The following TRAF3IP1 variants were observed in gnomAD, a reference collection of about 807,000 sequenced individuals.
TRAF3IP1 encodes the protein TRAF3-interacting protein 1.
A neutral mutation model predicts 89.9 loss-of-function variants in TRAF3IP1; 53 were observed. The observed-to-expected ratio is 0.59, with a 90% CI of 0.47 to 0.74. TRAF3IP1 has a LOEUF of 0.74. Among genes scored for constraint, TRAF3IP1 ranks in the 30% least tolerant of loss-of-function variants. The pLI is 0.00. For missense variants in TRAF3IP1, 806 were observed against 866.1 expected (o/e 0.93, Z 0.87); for synonymous variants, 311 against 322.1 (o/e 0.97, Z 0.37).
At chr2:238,388,175 G>C (rs547638301) in intron 15 of TRAF3IP1, among the ~76,000 whole-genome samples, 295 of 152,188 alleles carry the variant, frequency 1.9e-3, no homozygotes, top group Non-Finnish European at 3.4e-3. Context: ...AGGAGTTCAA[G>C]ACTAGCCTGG....
chr2:238,353,012 G>A, intron 13 of TRAF3IP1, 62 bp downstream of exon 13: 1 of 1,552,316 alleles, frequency 6.4e-7, no homozygotes, highest in East Asian at 2.3e-5. Context: ...GAGATTAATA[G>A]TCTAGCTTTT....
At position 238,320,566 on chromosome 2, in the gene TRAF3IP1, G is replaced by T; in HGVS notation, c.-97G>T. ...CGGCGCGTCCTGGCAGGACCGGGCGGCGGCGGCGGCGGGGCCGGCGGCGGC... is the reference window on the plus strand; with the variant it reads ...CGGCGCGTCCTGGCAGGACCGGGCGTCGGCGGCGGCGGGGCCGGCGGCGGC... On this transcript the variant is annotated 5_prime_UTR_variant, in exon 1 of 17. Coordinates refer to ENST00000373327, the MANE Select transcript of TRAF3IP1 (RefSeq NM_015650.4). 1 of 1,042,392 alleles carries T rather than the reference G, an allele frequency of 9.6e-7. No individual in the cohort carries two copies. The highest frequency in any genetic ancestry group is 1.2e-6 in the Non-Finnish European group (1 of 866,900). The allele number at this position is 1,042,392 out of a possible 1,614,324, so 64.6% of individuals were successfully genotyped here. A position where few individuals can be genotyped will look rare whatever the true frequency, so the allele number is the denominator to read the frequency against.
chr2:238,395,009 A>C (rs1378222431), intron 15 of TRAF3IP1, among the ~76,000 whole-genome samples: 1 of 151,952 alleles, frequency 6.6e-6, no homozygotes, highest in Non-Finnish European at 1.5e-5. Flanking sequence ...TAAGTGGGTG[A>C]GGCAAGGAAG....
intron 12 of TRAF3IP1, 137 bp from the exon 13 acceptor site, chr2:238,352,690 C>T (rs1220489966): frequency 7.1e-6 from 6 of 842,330 alleles, no homozygotes; most frequent in South Asian, 1.9e-5. Flanking sequence ...TTAGCTTCAG[C>T]GGGTAGCTTG....
rs1238478733 is a variant in TRAF3IP1, at chr2:238,328,762, C to T, written c.431C>T (p.Ser144Leu). 1 of 1,613,946 alleles carries T rather than the reference C, an allele frequency of 6.2e-7. No homozygotes were observed. Among genetic ancestry groups the T allele is most frequent in the African/African-American group, 1.3e-5 (1 of 74,946 alleles). The change falls in exon 4 of 17, where the codon TCA becomes TTA. Residue 144 changes from serine to leucine, a missense_variant. Ser to Leu is a moderately radical substitution (Grantham distance 145). Transcript: ENST00000373327. ...GTGAAAGGCCGGGCCTCACTGACCT[C>T]AAGATCTCAGGAATTGGATAATAAG... ...GEVKGRASLTSRSQELDNKNV... is the reference protein window; with the variant it reads ...GEVKGRASLTLRSQELDNKNV...
chr2:238,385,024 AT>A (rs911178877), intron 15 of TRAF3IP1, among the ~76,000 whole-genome samples: 1 of 149,754 alleles, frequency 6.7e-6, no homozygotes, highest in Non-Finnish European at 1.5e-5. Context: ...TTCTTTCTTT[AT>A]TTTTTTTTGA....
chr2:238,399,104 C>T lies in TRAF3IP1; in HGVS notation c.*185C>T. 1.8e-6 allele frequency: 1 copy of T among 551,600 alleles called. No individual in the cohort carries two copies. Among genetic ancestry groups the T allele is most frequent in the Non-Finnish European group, 3.0e-6 (1 of 329,362 alleles). The allele number at this position is 551,600 out of a possible 1,614,324, so 34.2% of individuals were successfully genotyped here. A position where few individuals can be genotyped will look rare whatever the true frequency, so the allele number is the denominator to read the frequency against. On this transcript the variant is annotated 3_prime_UTR_variant, in exon 17 of 17. Transcript: ENST00000373327. ...AAGTGTATTAAAAAAACCATGTTTT[C>T]TTACCTCCTTCCAGATGGAATACTG...
intron 7 of TRAF3IP1, among the ~76,000 whole-genome samples, chr2:238,337,147 A>C (rs1211084466): frequency 1.3e-5 from 2 of 152,012 alleles, no homozygotes; most frequent in African/African-American, 4.8e-5. Context: ...GCCTTCCTTC[A>C]CTGATTCTGC....
intron 7 of TRAF3IP1, among the ~76,000 whole-genome samples, chr2:238,336,456 G>A (rs1698393886): frequency 6.6e-6 from 1 of 152,112 alleles, no homozygotes; most frequent in Admixed American, 6.6e-5. Flanking sequence ...AGAGGTGTGT[G>A]ACACACTGGA....
intron 15 of TRAF3IP1, among the ~76,000 whole-genome samples, chr2:238,362,831 G>C (rs1553615729): frequency 6.6e-6 from 1 of 152,246 alleles, no homozygotes; most frequent in Non-Finnish European, 1.5e-5. Context: ...TGCCTCCCTG[G>C]CTAGAGGCCG....
intron 15 of TRAF3IP1, among the ~76,000 whole-genome samples, chr2:238,387,388 T>C (rs1323032652): frequency 2.6e-5 from 4 of 152,246 alleles, no homozygotes; most frequent in Non-Finnish European, 4.4e-5. Context: ...CAGTAGTTAT[T>C]ATCTTCAGTT....
chr2:238,388,714 T>A (rs1373577106), intron 15 of TRAF3IP1, among the ~76,000 whole-genome samples: 1 of 150,398 alleles, frequency 6.6e-6, no homozygotes, highest in African/African-American at 2.4e-5. Context: ...TCATCTTGGC[T>A]CACTGTAACC....
chr2:238,349,266 A>G, intron 11 of TRAF3IP1, 59 bp from the exon 12 acceptor site: 3 of 1,514,346 alleles, frequency 2.0e-6, no homozygotes, highest in Admixed American at 1.8e-5. Context: ...TTTCTTTTCC[A>G]GTTTGAAATG....
chr2:238,385,790 A>C (rs2106370864), intron 15 of TRAF3IP1, among the ~76,000 whole-genome samples: 1 of 152,262 alleles, frequency 6.6e-6, no homozygotes, highest in African/African-American at 2.4e-5. Flanking sequence ...GAGTTTCATC[A>C]CCTGCTTTTA....
intron 15 of TRAF3IP1, among the ~76,000 whole-genome samples, chr2:238,365,853 T>G (rs1463397540): frequency 6.6e-6 from 1 of 152,214 alleles, no homozygotes; most frequent in African/African-American, 2.4e-5. Flanking sequence ...TAGTTTTATG[T>G]TCCCAAGTAA....
At chr2:238,328,638 G>A (rs745490342) in intron 3 of TRAF3IP1, 48 bp from the exon 4 acceptor site, 30 of 1,586,594 alleles carry the variant, frequency 1.9e-5, no homozygotes, top group South Asian at 6.8e-5. Context: ...TTACGTGTGC[G>A]GATCTCATTT....
intron 16 of TRAF3IP1, among the ~76,000 whole-genome samples, chr2:238,398,396 G>A (rs1701336041): frequency 1.3e-5 from 2 of 149,524 alleles, no homozygotes; most frequent in African/African-American, 4.9e-5. Flanking sequence ...GTGTAGCGGA[G>A]TGGGGCAGTA....
At chr2:238,334,164 A>C in intron 7 of TRAF3IP1, 129 bp downstream of exon 7, 1 of 715,146 alleles carries the variant, frequency 1.4e-6, no homozygotes, top group East Asian at 2.7e-5. Context: ...CTGGGAATGA[A>C]CAGCGTGTGG....
At chr2:238,324,103 C>T (rs1007990908) in intron 1 of TRAF3IP1, among the ~76,000 whole-genome samples, 1 of 152,020 alleles carries the variant, frequency 6.6e-6, no homozygotes. Flanking sequence ...AGTCTCACTG[C>T]GTTGCCCAGG....
Sources: allele counts gnomAD v4.1 joint callset (sites outside exome capture counted in the v4.1 genomes callset), GRCh38; gene constraint gnomAD v4.1.1; transcripts MANE v1.5; gene names NCBI Gene and HGNC (gene_info 2026-07-23, HGNC 2026-07-21).